Variants in EPM2A observed in about 807,000 individuals in gnomAD.
The protein encoded by EPM2A is laforin.
EPM2A carries 21 observed loss-of-function variants against 26.5 expected under a neutral mutation model. That is an observed-to-expected ratio of 0.79 (90% CI 0.56 to 1.14). The LOEUF (loss-of-function observed/expected upper bound fraction) is 1.14, where lower values mean the gene tolerates loss of function less well. Among genes scored for constraint, EPM2A ranks in the 50% most tolerant of loss-of-function variants. The probability of loss-of-function intolerance (pLI) is 0.00; values close to 1 mark genes in which losing one functional copy is unlikely to be tolerated. For missense variants in EPM2A, 458 were observed against 440.8 expected (o/e 1.04, Z -0.35); for synonymous variants, 217 against 177.6 (o/e 1.22, Z -1.76).
chr6:145,407,512 T>C (rs1778585557), intron 4 of EPM2A, among the ~76,000 whole-genome samples: 1 of 152,162 alleles, frequency 6.6e-6, no homozygotes, highest in Admixed American at 6.5e-5. Context: ...TAGTGCAAGT[T>C]CTGCACACCT....
At chr6:145,614,436 T>C (rs12208019) in intron 2 of EPM2A, among the ~76,000 whole-genome samples, 53,521 of 152,180 alleles carry the variant, frequency 0.35, 10,023 homozygotes, top group South Asian at 0.51. Flanking sequence ...GAACCTTTTA[T>C]TTGCACTTAA....
At chr6:145,513,317 A>T (rs1035977415) in intron 2 of EPM2A, among the ~76,000 whole-genome samples, 1 of 152,188 alleles carries the variant, frequency 6.6e-6, no homozygotes, top group Non-Finnish European at 1.5e-5. Context: ...CAACATAACT[A>T]TTCATCAGAG....
intron 1 of EPM2A, among the ~76,000 whole-genome samples, chr6:145,727,922 T>C (rs6900158): frequency 0.067 from 10,154 of 152,210 alleles, 1,137 homozygotes; most frequent in African/African-American, 0.23. Context: ...TGAGAGACGA[T>C]TGAATCACGG....
chr6:145,504,777 T>C (rs1582806542), intron 2 of EPM2A, among the ~76,000 whole-genome samples: 3 of 15,686 alleles, frequency 1.9e-4, no homozygotes, highest in Non-Finnish European at 3.9e-4. Flanking sequence ...ATCATGCTGC[T>C]ATAAAGACAC....
intron 2 of EPM2A, among the ~76,000 whole-genome samples, chr6:145,541,025 A>G (rs1409929439): frequency 2.6e-5 from 4 of 152,156 alleles, no homozygotes; most frequent in Admixed American, 1.3e-4. Context: ...TCTTTAACAT[A>G]CACACATGCA....
At chr6:145,431,037 G>A (rs1302085347) in intron 4 of EPM2A, among the ~76,000 whole-genome samples, 3 of 152,152 alleles carry the variant, frequency 2.0e-5, no homozygotes, top group Non-Finnish European at 4.4e-5. Context: ...CCCTTGGGCT[G>A]ATTGTGGCCA....
At chr6:145,522,722 A>G (rs953928683) in intron 2 of EPM2A, among the ~76,000 whole-genome samples, 1 of 152,146 alleles carries the variant, frequency 6.6e-6, no homozygotes, top group Non-Finnish European at 1.5e-5. Context: ...CACACTCCTT[A>G]GTGAAACAGA....
At chr6:145,652,116 T>C (rs987721678) in intron 2 of EPM2A, among the ~76,000 whole-genome samples, 13 of 152,216 alleles carry the variant, frequency 8.5e-5, no homozygotes, top group Admixed American at 1.3e-4. Flanking sequence ...TGTACAGCTA[T>C]TACCTAGTTT....
exon 5 of EPM2A, chr6:145,383,433 G>A (rs1385812563): frequency 6.6e-6 from 1 of 152,208 alleles, no homozygotes; most frequent in Non-Finnish European, 1.5e-5. Context: ...TCAGCTTCCA[G>A]GGGGGCCTCA....
rs552852153 is a variant in EPM2A, at chr6:145,578,655, CAGG to C, written c.340+56587_340+56589del. 2.5e-3 allele frequency among the ~76,000 whole-genome samples: 376 copies of C among 152,236 alleles called. 4 individuals are homozygous for C. The highest frequency in any genetic ancestry group is 8.5e-3 in the African/African-American group (352 of 41,542). ...ACCCAAACTATTCCAAAAAATTTAG[CAGG>C]AGGAGAAGTAAATAGCTATCCTTTT... On this transcript the variant is annotated intron_variant, in intron 2 of 3. Coordinates refer to the EPM2A transcript ENST00000450221.
Position 145,625,529 on chromosome 6 carries a change from A to C in EPM2A, c.*1887T>G. 1 of 575,308 alleles carries C rather than the reference A, an allele frequency of 1.7e-6. No homozygotes were observed. Among genetic ancestry groups the C allele is most frequent in the Non-Finnish European group, 3.1e-6 (1 of 322,116 alleles). The allele number at this position is 575,308 out of a possible 1,614,324, so 35.6% of individuals were successfully genotyped here. Reference sequence around the variant, plus strand: ...GATTTCTTAGACATTAAAGAAATTCACAGACCCACATAGTTTAAAAATTTA... The same window carrying C: ...GATTTCTTAGACATTAAAGAAATTCCCAGACCCACATAGTTTAAAAATTTA... On this transcript the variant is annotated 3_prime_UTR_variant, in exon 4 of 4. Coordinates refer to ENST00000367519, the MANE Select transcript of EPM2A (RefSeq NM_005670.4).
At chr6:145,532,380 T>TA (rs549965022) in intron 2 of EPM2A, among the ~76,000 whole-genome samples, 331 of 152,200 alleles carry the variant, frequency 2.2e-3, no homozygotes, top group Middle Eastern at 6.8e-3. Context: ...TTACCTTGAG[T>TA]AAATAACTTA....
At chr6:145,486,774 C>A (rs1445294312) in intron 4 of EPM2A, among the ~76,000 whole-genome samples, 2 of 152,082 alleles carry the variant, frequency 1.3e-5, no homozygotes, top group African/African-American at 4.8e-5. Flanking sequence ...AGAATCCTCT[C>A]CTTTTTAAAG....
intron 2 of EPM2A, among the ~76,000 whole-genome samples, chr6:145,510,834 A>G (rs1271591025): frequency 6.6e-6 from 1 of 152,156 alleles, no homozygotes; most frequent in Non-Finnish European, 1.5e-5. Flanking sequence ...AGGATAAACA[A>G]GATTGACAGA....
At chr6:145,441,060 G>T (rs1313569664) in intron 4 of EPM2A, among the ~76,000 whole-genome samples, 1 of 152,196 alleles carries the variant, frequency 6.6e-6, no homozygotes, top group African/African-American at 2.4e-5. Context: ...CTCCATGAGG[G>T]CCCAGCCCCT....
intron 1 of EPM2A, among the ~76,000 whole-genome samples, chr6:145,711,866 T>C (rs961250986): frequency 2.0e-5 from 3 of 152,148 alleles, no homozygotes; most frequent in African/African-American, 7.2e-5. Context: ...AGAAAATGCA[T>C]ACGTGGAAAA....
intron 2 of EPM2A, among the ~76,000 whole-genome samples, chr6:145,677,706 G>A (rs1780169952): frequency 6.6e-6 from 1 of 152,094 alleles, no homozygotes. Context: ...AAATACCTAG[G>A]AATCCAACTT....
chr6:145,572,629 A>G (rs2092297), intron 2 of EPM2A, among the ~76,000 whole-genome samples: 65,213 of 151,910 alleles, frequency 0.43, 14,553 homozygotes, highest in African/African-American at 0.52. Flanking sequence ...ATCTGCAGAA[A>G]ACGGCAGGGC....
At chr6:145,387,414 C>T (rs963926169) in intron 4 of EPM2A, among the ~76,000 whole-genome samples, 2 of 152,074 alleles carry the variant, frequency 1.3e-5, no homozygotes, top group East Asian at 3.9e-4. Flanking sequence ...GACTGTCCTG[C>T]CTCCACCAAC....
Sources: gnomAD v4.1 joint callset for allele counts (sites outside exome capture counted in the v4.1 genomes callset) on GRCh38, gnomAD v4.1.1 for gene constraint, MANE v1.5 for transcripts, NCBI Gene and HGNC (gene_info 2026-07-23, HGNC 2026-07-21) for gene names.